The following MTRF1 variants were observed in gnomAD, a reference collection of about 807,000 sequenced individuals.
MTRF1 encodes peptide chain release factor 1, mitochondrial.
Under a neutral mutation model 62.9 loss-of-function variants are expected in MTRF1, and 51 were observed. That is an observed-to-expected ratio of 0.81 (90% CI 0.65 to 1.02). The LOEUF is 1.02. Among genes scored for constraint, MTRF1 ranks in the 50% least tolerant of loss-of-function variants. The pLI is 0.00. For missense variants in MTRF1, 446 were observed against 530.0 expected (o/e 0.84, Z 1.56); for synonymous variants, 158 against 181.9 (o/e 0.87, Z 1.06).
At chr13:41,222,140 TATC>T (rs1291404413) in intron 9 of MTRF1, among the ~76,000 whole-genome samples, 4 of 152,192 alleles carry the variant, frequency 2.6e-5, no homozygotes, top group African/African-American at 9.7e-5. Flanking sequence ...AAGCCTTAGG[TATC>T]ACATGGCACC....
chr13:41,270,582 G>A, the MTRF1 span, among the ~76,000 whole-genome samples: 1 of 152,068 alleles, frequency 6.6e-6, no homozygotes, highest in Non-Finnish European at 1.5e-5. Context: ...TTTGCATATT[G>A]AAGGAAACAA....
At chr13:41,294,947 T>G in the MTRF1 span, among the ~76,000 whole-genome samples, 1 of 152,224 alleles carries the variant, frequency 6.6e-6, no homozygotes, top group Admixed American at 6.5e-5. Context: ...ATCAATTTGC[T>G]TTTAGTAAAA....
the MTRF1 span, among the ~76,000 whole-genome samples, chr13:41,291,511 C>T: frequency 1.0e-3 from 152 of 152,150 alleles, 1 homozygote; most frequent in African/African-American, 3.6e-3. Context: ...AAAGATTTAG[C>T]GACTTTCTCC....
chr13:41,276,826 A>C, the MTRF1 span, among the ~76,000 whole-genome samples: 1 of 152,166 alleles, frequency 6.6e-6, no homozygotes, highest in Non-Finnish European at 1.5e-5. Context: ...GGTCCTACAG[A>C]TAACATCACT....
At chr13:41,311,390 G>GC in the MTRF1 span, 2 of 772,582 alleles carry the variant, frequency 2.6e-6, no homozygotes, top group Non-Finnish European at 4.2e-6. Context: ...CTGCCCAATT[G>GC]CAACTGTAGA....
the MTRF1 span, among the ~76,000 whole-genome samples, chr13:41,283,585 C>CTTTTTTTTTT: frequency 6.8e-4 from 57 of 83,556 alleles, 3 homozygotes; most frequent in Admixed American, 1.2e-3. Context: ...CTCTGACAAT[C>CTTTTTTTTTT]TTTTTTTTTT....
chr13:41,252,587 G>T, intron 5 of MTRF1, 58 bp downstream of exon 5: 3 of 1,341,554 alleles, frequency 2.2e-6, no homozygotes, highest in South Asian at 2.4e-5. Context: ...TTCTAATCAA[G>T]ATCAGAGGTA....
the MTRF1 span, among the ~76,000 whole-genome samples, chr13:41,283,983 A>G: frequency 1.3e-5 from 2 of 152,124 alleles, no homozygotes; most frequent in African/African-American, 4.8e-5. Context: ...AACATTCCCC[A>G]GTTGGGTACA....
At chr13:41,299,660 A>T in the MTRF1 span, among the ~76,000 whole-genome samples, 1 of 152,166 alleles carries the variant, frequency 6.6e-6, no homozygotes, top group Non-Finnish European at 1.5e-5. Flanking sequence ...AGCAGGAAGA[A>T]TTTCGATCAC....
the MTRF1 span, among the ~76,000 whole-genome samples, chr13:41,309,341 A>AGTGTGTGTGTGTGTGTGTGTGTGT: frequency 4.8e-4 from 65 of 135,662 alleles, no homozygotes; most frequent in South Asian, 7.6e-4. Flanking sequence ...ATGCCCAGCT[A>AGTGTGTGTGTGTGTGTGTGTGTGT]GTGTGTGTGT....
At position 41,238,964 on chromosome 13, in the gene MTRF1, G is replaced by A. The variant is rs79985016; in HGVS notation, c.870+1297C>T. ...AGGAACAGTCAGAGGAATCCAGAAT[G>A]TGGGACATTCTTCAAGACAAATGGT... On this transcript the variant is annotated intron_variant, in intron 6 of 9. Transcript: ENST00000379480. Among the ~76,000 whole-genome samples the A allele has an allele frequency of 3.8e-3, 575 of 152,224 alleles. 6 individuals carry two copies. Among genetic ancestry groups the A allele is most frequent in the African/African-American group, 0.013 (546 of 41,516 alleles).
the MTRF1 span, among the ~76,000 whole-genome samples, chr13:41,269,130 CT>C: frequency 7.6e-6 from 1 of 131,226 alleles, no homozygotes; most frequent in East Asian, 2.2e-4. Flanking sequence ...AACAAAACCT[CT>C]TTATTTTTAT....
chr13:41,229,594 G>C (rs1014784874), intron 7 of MTRF1: 6 of 152,108 alleles, frequency 3.9e-5, no homozygotes, highest in Non-Finnish European at 7.4e-5. Flanking sequence ...TTTACAACTT[G>C]TAAGTTTTAA....
chr13:41,310,059 C>T, the MTRF1 span, among the ~76,000 whole-genome samples: 2 of 152,196 alleles, frequency 1.3e-5, no homozygotes, highest in African/African-American at 2.4e-5. Context: ...TGCAGTTACT[C>T]ATCAATTACT....
At chr13:41,289,778 G>A in the MTRF1 span, among the ~76,000 whole-genome samples, 1 of 152,148 alleles carries the variant, frequency 6.6e-6, no homozygotes, top group Admixed American at 6.5e-5. Flanking sequence ...AGCCGGCATT[G>A]GTCAACAAAT....
At chr13:41,301,816 G>T in the MTRF1 span, among the ~76,000 whole-genome samples, 78 of 152,102 alleles carry the variant, frequency 5.1e-4, no homozygotes, top group Admixed American at 1.0e-3. Context: ...TGTAGATAAA[G>T]ATTTTATGTA....
chr13:41,274,783 G>A, the MTRF1 span, among the ~76,000 whole-genome samples: 17 of 151,686 alleles, frequency 1.1e-4, no homozygotes, highest in South Asian at 1.0e-3. Context: ...TTACAGGCAC[G>A]CTCCACCACA....
intron 5 of MTRF1, among the ~76,000 whole-genome samples, chr13:41,246,066 G>C (rs993899927): frequency 1.3e-5 from 2 of 152,060 alleles, no homozygotes; most frequent in Non-Finnish European, 2.9e-5. Flanking sequence ...CATTATTGGA[G>C]AGCGTAAACC....
intron 8 of MTRF1, 145 bp from the exon 9 acceptor site, chr13:41,223,499 C>T (rs2033813898): frequency 1.6e-6 from 1 of 641,314 alleles, no homozygotes; most frequent in South Asian, 2.1e-5. Context: ...AAAGAATGGG[C>T]AGAACTTAAT....
Sources: gnomAD v4.1 joint callset for allele counts (sites outside exome capture counted in the v4.1 genomes callset) on GRCh38, gnomAD v4.1.1 for gene constraint, MANE v1.5 for transcripts, NCBI Gene and HGNC (gene_info 2026-07-23, HGNC 2026-07-21) for gene names.